ZNF106: variants seen among roughly 807,000 people sequenced by gnomAD.
ZNF106 encodes the protein zinc finger protein 106.
A neutral mutation model predicts 195.1 loss-of-function variants in ZNF106; 67 were observed. The ratio of observed to expected loss-of-function variants is 0.34; its 90% CI spans 0.28 to 0.42. The LOEUF (loss-of-function observed/expected upper bound fraction) is 0.42. ZNF106 is among the 10% of genes least tolerant of loss of function. The pLI, the probability that ZNF106 is intolerant of heterozygous loss-of-function variation, is 1.00. For missense variants in ZNF106, 2,118 were observed against 2,304.5 expected, an observed-to-expected ratio of 0.92 and a Z score of 1.66; for synonymous variants, 784 against 818.6, an observed-to-expected ratio of 0.96 and a Z score of 0.72.
chr15:42,464,180 A>G (rs908391219), intron 3 of ZNF106, among the ~76,000 whole-genome samples: 6 of 152,042 alleles, frequency 3.9e-5, no homozygotes, highest in Non-Finnish European at 2.9e-5. Context: ...TCTCTACTAA[A>G]ATTACTAAAA....
chr15:42,489,567 CTA>C (rs1224580464), intron 1 of ZNF106, among the ~76,000 whole-genome samples: 2 of 152,180 alleles, frequency 1.3e-5, no homozygotes, highest in African/African-American at 4.8e-5. Context: ...AGAGTTAACT[CTA>C]GGCATGGCGC....
intron 1 of ZNF106, among the ~76,000 whole-genome samples, chr15:42,474,143 A>G (rs2056736484): frequency 6.6e-6 from 1 of 152,214 alleles, no homozygotes; most frequent in Admixed American, 6.5e-5. Context: ...GCCCTCTTCA[A>G]CCCAGAGAAT....
chr15:42,486,005 T>C (rs1024867113), intron 1 of ZNF106, among the ~76,000 whole-genome samples: 4 of 150,480 alleles, frequency 2.7e-5, no homozygotes, highest in African/African-American at 9.9e-5. Context: ...GTCGCCAGGC[T>C]GGAGTGTGGT....
Position 42,424,018 on chromosome 15 carries a change from C to T in ZNF106, c.5233G>A (p.Val1745Ile). 5 of 1,612,912 alleles carry T rather than the reference C, an allele frequency of 3.1e-6. No individual in the cohort carries two copies. Among genetic ancestry groups the T allele is most frequent in the Non-Finnish European group, 4.2e-6 (5 of 1,179,736 alleles). ...LVFSGSSDQS[V>I]HAHNIHTGEL... ...CTTACGTGAATGTTGTGAGCATGGA[C>T]TGACTGATCACTGGAGCCACTGAAC... The change falls in exon 17 of 22, where the codon GTC (valine) becomes ATC (isoleucine). Residue 1745 changes from valine to isoleucine, a missense_variant. By Grantham distance (29) the Val-to-Ile change is conservative. Coordinates refer to ENST00000564754, the MANE Select transcript of ZNF106 (RefSeq NM_001366845.3).
At chr15:42,441,049 G>T (rs2055514651) in intron 10 of ZNF106, among the ~76,000 whole-genome samples, 1 of 76,340 alleles carries the variant, frequency 1.3e-5, no homozygotes, top group Non-Finnish European at 2.6e-5. Context: ...ATATATATAT[G>T]CTAAGTCACG....
intron 12 of ZNF106, among the ~76,000 whole-genome samples, chr15:42,437,790 CCA>C (rs544998419): frequency 1.2e-3 from 187 of 151,610 alleles, no homozygotes; most frequent in African/African-American, 4.4e-3. Context: ...GCCTGTAGTC[CCA>C]GTTATTTGGG....
intron 10 of ZNF106, 41 bp from the exon 11 acceptor site, chr15:42,439,854 T>G: frequency 6.7e-7 from 1 of 1,483,818 alleles, no homozygotes; most frequent in South Asian, 1.4e-5. Flanking sequence ...CTTTTTTGTG[T>G]TTGCTGCAAT....
chr15:42,462,390 G>A (rs1260407682), intron 3 of ZNF106, among the ~76,000 whole-genome samples: 1 of 152,186 alleles, frequency 6.6e-6, no homozygotes, highest in Non-Finnish European at 1.5e-5. Context: ...CTGAGGTCAG[G>A]AGTTCGAGAC....
At chr15:42,448,022 C>A in intron 6 of ZNF106, 50 bp downstream of exon 6, 1 of 1,538,174 alleles carries the variant, frequency 6.5e-7, no homozygotes, top group South Asian at 1.3e-5. Context: ...CATAAGCAAC[C>A]AACTTGCCAC....
chr15:42,447,201 C>G (rs942758111), intron 6 of ZNF106, among the ~76,000 whole-genome samples: 1 of 152,136 alleles, frequency 6.6e-6, no homozygotes, highest in African/African-American at 2.4e-5. Context: ...ACCTTAACTA[C>G]TATGCTTATC....
chr15:42,473,507 T>G (rs192690009), intron 1 of ZNF106, among the ~76,000 whole-genome samples: 22 of 152,322 alleles, frequency 1.4e-4, no homozygotes, highest in Middle Eastern at 3.4e-3. Flanking sequence ...TTTTCTGTTC[T>G]CTGCCTGGAA....
intron 3 of ZNF106, among the ~76,000 whole-genome samples, chr15:42,462,291 G>T (rs2056409024): frequency 1.3e-5 from 2 of 152,122 alleles, no homozygotes; most frequent in African/African-American, 4.8e-5. Context: ...AAAACAAAAT[G>T]TGTATCTATA....
chr15:42,471,831 A>G (rs2056675683), intron 2 of ZNF106, among the ~76,000 whole-genome samples: 1 of 152,274 alleles, frequency 6.6e-6, no homozygotes, highest in African/African-American at 2.4e-5. Context: ...AAGCATAGGC[A>G]TAAACAGATT....
At chr15:42,422,475 A>G in intron 18 of ZNF106, 26 bp downstream of exon 18, 1 of 1,608,650 alleles carries the variant, frequency 6.2e-7, no homozygotes, top group Non-Finnish European at 8.5e-7. Context: ...AAATCATTCA[A>G]GCAAAATACT....
intron 1 of ZNF106, among the ~76,000 whole-genome samples, chr15:42,479,745 G>C (rs1468133975): frequency 6.6e-6 from 1 of 152,144 alleles, no homozygotes; most frequent in African/African-American, 2.4e-5. Flanking sequence ...GGGAGGCTGA[G>C]GCAGGAGAAT....
At chr15:42,427,221 C>T (rs1353627337) in intron 15 of ZNF106, among the ~76,000 whole-genome samples, 1 of 152,204 alleles carries the variant, frequency 6.6e-6, no homozygotes, top group Non-Finnish European at 1.5e-5. Flanking sequence ...CCTAAATGGT[C>T]TCCCTGCCTT....
intron 10 of ZNF106, among the ~76,000 whole-genome samples, chr15:42,441,058 C>A (rs1356835493): frequency 1.8e-5 from 2 of 113,110 alleles, no homozygotes; most frequent in African/African-American, 6.3e-5. Flanking sequence ...TGCTAAGTCA[C>A]GCGCAGTGGC....
At position 42,435,361 on chromosome 15, in the gene ZNF106, T is replaced by C. The variant is rs201402731; in HGVS notation, c.4881+23A>G. The C allele has an allele frequency of 4.1e-5, 66 of 1,614,048 alleles. 1 individual carries two copies. In the Admixed American group the frequency reaches 1.1e-3, roughly 26 times the overall value. On this transcript the variant is annotated intron_variant, in intron 14 of 21. Coordinates refer to ENST00000564754, the MANE Select transcript of ZNF106 (RefSeq NM_001366845.3). ...AAAGGCGACTCAATATGAACCACTT[T>C]GGATTTCTCTGGACCCACCTACCTT...
At chr15:42,425,113 C>T in intron 15 of ZNF106, 88 bp from the exon 16 acceptor site, 3 of 1,305,640 alleles carry the variant, frequency 2.3e-6, no homozygotes, top group Non-Finnish European at 3.2e-6. Flanking sequence ...AAACTCATTT[C>T]TGTCACCTGT....
Sources: allele counts gnomAD v4.1 joint callset (sites outside exome capture counted in the v4.1 genomes callset), GRCh38; gene constraint gnomAD v4.1.1; transcripts MANE v1.5; gene names NCBI Gene and HGNC (gene_info 2026-07-23, HGNC 2026-07-21).